The following PID1 variants were observed in gnomAD, a reference collection of about 807,000 sequenced individuals.
PID1 encodes the protein PTB-containing, cubilin and LRP1-interacting protein.
A neutral mutation model predicts 19.1 loss-of-function variants in PID1; 10 were observed. That is an observed-to-expected ratio of 0.52 (90% confidence interval 0.32 to 0.89). The LOEUF (loss-of-function observed/expected upper bound fraction) is 0.89, where lower values mean the gene tolerates loss of function less well. PID1 is among the 40% of genes least tolerant of loss of function. The pLI is 0.03. For missense variants in PID1, 248 were observed against 285.3 expected (o/e 0.87, Z 0.94); for synonymous variants, 130 against 116.0 (o/e 1.12, Z -0.78).
chr2:229,077,607 A>G (rs1159107030), intron 2 of PID1, among the ~76,000 whole-genome samples: 2 of 152,232 alleles, frequency 1.3e-5, no homozygotes, highest in Admixed American at 6.5e-5. Flanking sequence ...GCATATGGCT[A>G]GCCAGTTTCC....
rs186211845 is a variant in PID1 at position 229,245,914 on chromosome 2, C to A, written c.30+25100G>T. Among the ~76,000 whole-genome samples the A allele has an allele frequency of 1.4e-4, 22 of 152,264 alleles. No homozygotes were observed. The East Asian group carries it at 3.7e-3, about 25-fold the overall frequency. ...AGGGAATGTTTAAGTCATGTTTTAT[C>A]CTGCATCCTTCATTTTGGCTGTAGT... On this transcript the variant is annotated intron_variant, in intron 1 of 2. Coordinates refer to ENST00000392055, the MANE Select transcript of PID1 (RefSeq NM_001100818.2).
At chr2:229,229,067 C>T (rs1011135310) in intron 1 of PID1, among the ~76,000 whole-genome samples, 1 of 152,162 alleles carries the variant, frequency 6.6e-6, no homozygotes, top group African/African-American at 2.4e-5. Flanking sequence ...CCAACCCAGT[C>T]CCAATGTCAT....
chr2:229,155,100 T>C (rs1427578982), intron 2 of PID1, among the ~76,000 whole-genome samples: 1 of 152,216 alleles, frequency 6.6e-6, no homozygotes, highest in Non-Finnish European at 1.5e-5. Context: ...AGTATAACTG[T>C]TAGAAAACTT....
At chr2:229,198,618 T>C (rs1488285552) in intron 1 of PID1, among the ~76,000 whole-genome samples, 1 of 152,064 alleles carries the variant, frequency 6.6e-6, no homozygotes, top group Non-Finnish European at 1.5e-5. Context: ...CCTGGAATCC[T>C]TCCCATCTCA....
intron 2 of PID1, among the ~76,000 whole-genome samples, chr2:229,153,847 C>A (rs1690310188): frequency 6.6e-6 from 1 of 152,078 alleles, no homozygotes; most frequent in Non-Finnish European, 1.5e-5. Flanking sequence ...ACTTTATAGG[C>A]TTTATCACAC....
At chr2:229,256,379 T>C (rs1378775554) in intron 1 of PID1, among the ~76,000 whole-genome samples, 2 of 152,174 alleles carry the variant, frequency 1.3e-5, no homozygotes, top group Admixed American at 1.3e-4. Flanking sequence ...CCGAAGGAAA[T>C]ATTTCTGCAA....
intron 2 of PID1, among the ~76,000 whole-genome samples, chr2:229,067,190 C>T (rs1303003958): frequency 6.6e-6 from 1 of 152,142 alleles, no homozygotes. Flanking sequence ...CACTTACTAT[C>T]ATGAGAACAG....
chr2:229,148,649 G>A (rs1176414676), intron 2 of PID1, among the ~76,000 whole-genome samples: 1 of 151,988 alleles, frequency 6.6e-6, no homozygotes, highest in Admixed American at 6.6e-5. Flanking sequence ...ATAAATTCTT[G>A]TGGATGTAGA....
chr2:229,057,446 ACT>A (rs1238621096), intron 2 of PID1, among the ~76,000 whole-genome samples: 1 of 144,964 alleles, frequency 6.9e-6, no homozygotes, highest in African/African-American at 2.7e-5. Context: ...ACAGGGCCAA[ACT>A]CTGTCTAAAA....
At chr2:229,027,550 A>C (rs1693452436) in intron 2 of PID1, among the ~76,000 whole-genome samples, 1 of 152,206 alleles carries the variant, frequency 6.6e-6, no homozygotes, top group African/African-American at 2.4e-5. Context: ...AAGGGCAGGA[A>C]GGGGAACAGC....
At chr2:229,218,983 C>T (rs1433500293) in intron 1 of PID1, among the ~76,000 whole-genome samples, 2 of 152,128 alleles carry the variant, frequency 1.3e-5, no homozygotes, top group Admixed American at 6.5e-5. Flanking sequence ...TCAGGATATG[C>T]TAAATTGAAA....
rs189833882 is a variant in PID1 at position 229,025,326 on chromosome 2, T to A, written c.*306A>T. On this transcript the variant is annotated 3_prime_UTR_variant, in exon 3 of 3. Coordinates refer to ENST00000392055, the MANE Select transcript of PID1 (RefSeq NM_001100818.2). ...CTGCAGAGTATTTGCCTGAGCGTGG[T>A]GAAAACTGGCATGGAGCTCTCCCAC... is the stretch of plus-strand genomic sequence containing the variant. 4.9e-5 allele frequency: 17 copies of A among 346,284 alleles called. No homozygotes were observed. Among genetic ancestry groups the A allele is most frequent in the Admixed American group, 3.2e-4 (7 of 22,038 alleles). The allele number at this position is 346,284 out of a possible 1,614,324, so 21.5% of individuals were successfully genotyped here.
intron 2 of PID1, among the ~76,000 whole-genome samples, chr2:229,137,367 A>G (rs968144335): frequency 4.6e-5 from 7 of 152,246 alleles, no homozygotes; most frequent in African/African-American, 1.7e-4. Flanking sequence ...TGGAAAATAG[A>G]GCATCCCTAC....
chr2:229,171,663 C>T (rs971206432), intron 1 of PID1, among the ~76,000 whole-genome samples: 19 of 152,114 alleles, frequency 1.2e-4, no homozygotes, highest in African/African-American at 4.1e-4. Flanking sequence ...TCACTACCTA[C>T]GAAATGTCTG....
intron 2 of PID1, among the ~76,000 whole-genome samples, chr2:229,091,731 G>GT (rs1694882137): frequency 1.3e-5 from 2 of 152,198 alleles, no homozygotes; most frequent in African/African-American, 2.4e-5. Context: ...TTTTGTAATA[G>GT]TAACCTGAAT....
At chr2:229,027,890 G>A (rs772037284) in intron 2 of PID1, among the ~76,000 whole-genome samples, 3 of 152,018 alleles carry the variant, frequency 2.0e-5, no homozygotes, top group Admixed American at 6.5e-5. Context: ...GAATCGGGGC[G>A]TCGTTGCTCC....
intron 1 of PID1, chr2:229,262,607 T>C (rs1012224836): frequency 8.0e-6 from 12 of 1,508,402 alleles, no homozygotes; most frequent in Non-Finnish European, 1.1e-5. Flanking sequence ...TTCACTGGTG[T>C]AGTAGCTACC....
At chr2:229,253,956 G>C (rs916902537) in intron 1 of PID1, among the ~76,000 whole-genome samples, 1 of 152,238 alleles carries the variant, frequency 6.6e-6, no homozygotes, top group African/African-American at 2.4e-5. Context: ...TCAGAAAGGA[G>C]AGGGATAGAG....
rs530399621 is a variant in PID1 at position 229,231,239 on chromosome 2, C to T, written c.30+39775G>A. On this transcript the variant is annotated intron_variant, in intron 1 of 2. Transcript: ENST00000392055. ...GCCAATGCAATCCATGAGGTCAACT[C>T]AGGTGCAGATTAGGTCTAGTCAAGT... 3.3e-5 allele frequency among the ~76,000 whole-genome samples: 5 copies of T among 152,168 alleles called. No individual in the cohort carries two copies. In the East Asian group the frequency reaches 9.7e-4, roughly 30 times the overall value.
Sources: gnomAD v4.1 joint callset for allele counts (sites outside exome capture counted in the v4.1 genomes callset) on GRCh38, gnomAD v4.1.1 for gene constraint, MANE v1.5 for transcripts, NCBI Gene and HGNC (gene_info 2026-07-23, HGNC 2026-07-21) for gene names.